PARD3B: variants seen among roughly 807,000 people sequenced by gnomAD.
PARD3B encodes partitioning defective 3 homolog B.
Under a neutral mutation model 130.2 loss-of-function variants are expected in PARD3B, and 103 were observed. That is an observed-to-expected ratio of 0.79 (90% CI 0.67 to 0.93). PARD3B has a LOEUF of 0.93. Among genes scored for constraint, PARD3B ranks in the 40% least tolerant of loss-of-function variants. The probability of loss-of-function intolerance (pLI) is 0.00; values close to 1 mark genes in which losing one functional copy is unlikely to be tolerated. For synonymous variants in PARD3B, 583 were observed against 553.2 expected, an observed-to-expected ratio of 1.05 and a Z score of -0.76; for missense variants, 1,609 against 1,499.2, an observed-to-expected ratio of 1.07 and a Z score of -1.21.
rs1702107155 is a variant in PARD3B at position 205,091,477 on chromosome 2, C to T, written c.505-12949C>T. On this transcript the variant is annotated intron_variant, in intron 4 of 22. Transcript: ENST00000406610. The surrounding 1 kb of genome is among the most constrained non-coding windows in gnomAD (Gnocchi z 4.2). ...CATTAGAATATCCTCCCCACATTCACTCAGGCTTGTTGTTGTTGTTTCTAG... is the reference window on the plus strand; with the variant it reads ...CATTAGAATATCCTCCCCACATTCATTCAGGCTTGTTGTTGTTGTTTCTAG... 6.6e-6 allele frequency among the ~76,000 whole-genome samples: 1 copy of T among 152,190 alleles called. No individual in the cohort carries two copies. Among genetic ancestry groups the T allele is most frequent in the African/African-American group, 2.4e-5 (1 of 41,448 alleles).
At chr2:204,631,113 A>G (rs1345867257) in intron 1 of PARD3B, among the ~76,000 whole-genome samples, 1 of 152,042 alleles carries the variant, frequency 6.6e-6, no homozygotes, top group Non-Finnish European at 1.5e-5. Flanking sequence ...CCCTCTTAAC[A>G]CTGCTTTAGC....
Position 205,176,576 on chromosome 2 carries a change from A to C in PARD3B, c.1923A>C (p.Lys641Asn). ...LGTCSPQDKQ[K>N]GLLLPNDGWA... is the part of the protein sequence containing the mutation. ...CTTGCAGTCCACAAGACAAACAGAAAGGTAAGAGTCTATTCATTTTATCCA... is the reference window on the plus strand; with the variant it reads ...CTTGCAGTCCACAAGACAAACAGAACGGTAAGAGTCTATTCATTTTATCCA... Residue 641 changes from lysine to asparagine, a missense_variant and splice_region_variant, in exon 13 of 23, where the codon AAA becomes AAC. Lys to Asn is a moderately conservative substitution (Grantham distance 94). Coordinates refer to ENST00000406610, the MANE Select transcript of PARD3B (RefSeq NM_001302769.2). This position sits in a 1 kb window ranked among gnomAD's most constrained non-coding sequence, Gnocchi z 5.3. 1 of 1,605,410 alleles carries C rather than the reference A, an allele frequency of 6.2e-7. No individual in the cohort carries two copies. Among genetic ancestry groups the C allele is most frequent in the Non-Finnish European group, 8.5e-7 (1 of 1,176,606 alleles).
At chr2:205,332,027 C>G (rs849222) in intron 18 of PARD3B, among the ~76,000 whole-genome samples, 132,870 of 151,950 alleles carry the variant, frequency 0.87, 58,315 homozygotes, top group Admixed American at 0.92. Context: ...ATCGCGTGAA[C>G]CCGGGAGGTG....
intron 1 of PARD3B, among the ~76,000 whole-genome samples, chr2:204,622,347 C>T (rs1361262532): frequency 1.3e-5 from 2 of 152,144 alleles, no homozygotes; most frequent in African/African-American, 4.8e-5. Flanking sequence ...CCTCTTCTCC[C>T]AACTCCCACG....
chr2:204,811,797 T>A (rs2042970356), intron 2 of PARD3B, among the ~76,000 whole-genome samples: 1 of 152,120 alleles, frequency 6.6e-6, no homozygotes, highest in African/African-American at 2.4e-5. Context: ...GGCCTCAGTC[T>A]GCTATCATCT....
chr2:205,131,855 T>G (rs1412509071), intron 10 of PARD3B, among the ~76,000 whole-genome samples: 1 of 152,164 alleles, frequency 6.6e-6, no homozygotes, highest in Admixed American at 6.5e-5. Context: ...AAAAAAGATG[T>G]TGGGATATCT....
intron 2 of PARD3B, among the ~76,000 whole-genome samples, chr2:204,741,386 T>C (rs146435836): frequency 2.4e-4 from 36 of 152,260 alleles, no homozygotes; most frequent in African/African-American, 8.7e-4. Context: ...CTGAGGAAAT[T>C]AGGACTTCAT....
chr2:204,740,910 A>T (rs577172205), intron 2 of PARD3B, among the ~76,000 whole-genome samples: 1 of 152,298 alleles, frequency 6.6e-6, no homozygotes, highest in East Asian at 1.9e-4. Flanking sequence ...AAGTGTGTTC[A>T]TGTGTTTTAA....
chr2:205,357,660 GA>G (rs56313624), intron 18 of PARD3B, among the ~76,000 whole-genome samples: 7 of 151,708 alleles, frequency 4.6e-5, no homozygotes, highest in African/African-American at 1.5e-4. Context: ...AGTTTCATGA[GA>G]AAAAAAATAA....
chr2:205,083,332 T>C (rs1396851863), intron 4 of PARD3B, among the ~76,000 whole-genome samples: 2 of 97,380 alleles, frequency 2.1e-5, no homozygotes, highest in Non-Finnish European at 4.3e-5. Flanking sequence ...GTTTTAAGAA[T>C]AGAAAAAAAA....
At chr2:204,816,225 T>C (rs2043142434) in intron 2 of PARD3B, among the ~76,000 whole-genome samples, 1 of 152,004 alleles carries the variant, frequency 6.6e-6, no homozygotes, top group East Asian at 1.9e-4. Flanking sequence ...ACGTATTACT[T>C]TTAGCATGTT....
At chr2:205,350,950 A>T (rs1461359883) in intron 18 of PARD3B, among the ~76,000 whole-genome samples, 1 of 152,190 alleles carries the variant, frequency 6.6e-6, no homozygotes, top group African/African-American at 2.4e-5. Flanking sequence ...TATGCTAAAA[A>T]CTAATTATTT....
In PARD3B at chr2:205,142,393, G is replaced by A. The variant is rs1305555653; in HGVS notation, c.1435-16329G>A. Among the ~76,000 whole-genome samples, 1 of 152,138 alleles carries A rather than the reference G, an allele frequency of 6.6e-6. No individual in the cohort carries two copies. On this transcript the variant is annotated intron_variant, in intron 10 of 22. Coordinates refer to ENST00000406610, the MANE Select transcript of PARD3B (RefSeq NM_001302769.2). The surrounding 1 kb of genome is among the most constrained non-coding windows in gnomAD (Gnocchi z 4.3). ...AGATAAGATGAAAGACATAGTAGTC[G>A]CTTTTGGGAGGGAACTTAAATACAA...
In PARD3B at chr2:205,142,911, A is replaced by AATAAATAT. The variant is rs71032447; in HGVS notation, c.1435-15811_1435-15810insATAAATAT. Among the ~76,000 whole-genome samples, 2 of 151,410 alleles carry AATAAATAT rather than the reference A, an allele frequency of 1.3e-5. No homozygotes were observed. The highest frequency in any genetic ancestry group is 4.9e-5 in the African/African-American group (2 of 41,212). On this transcript the variant is annotated intron_variant, in intron 10 of 22. Transcript: ENST00000406610. This position sits in a 1 kb window ranked among gnomAD's most constrained non-coding sequence, Gnocchi z 4.3. Reference sequence around the variant, plus strand: ...AAATAAATAAATAAATAAATAAATAAGATAGGCAAGCTGGCAAATAATTGT... The same window carrying AATAAATAT: ...AAATAAATAAATAAATAAATAAATAAATAAATATGATAGGCAAGCTGGCAAATAATTGT...
At chr2:205,294,263 G>C (rs2041709644) in intron 16 of PARD3B, among the ~76,000 whole-genome samples, 1 of 151,892 alleles carries the variant, frequency 6.6e-6, no homozygotes, top group Admixed American at 6.6e-5. Flanking sequence ...CACAGATAAG[G>C]TTATATATGT....
chr2:205,343,690 GCT>G, intron 18 of PARD3B, among the ~76,000 whole-genome samples: 1 of 152,242 alleles, frequency 6.6e-6, no homozygotes, highest in Non-Finnish European at 1.5e-5. Context: ...CCCTGGCCTG[GCT>G]CACAGCTGTG....
At chr2:205,027,372 T>A (rs575945537) in intron 3 of PARD3B, among the ~76,000 whole-genome samples, 14 of 152,194 alleles carry the variant, frequency 9.2e-5, no homozygotes, top group Non-Finnish European at 1.5e-4. Flanking sequence ...TTGAAAAAAA[T>A]GTCTATTCAT....
chr2:204,991,810 C>T (rs1339619145), intron 3 of PARD3B, among the ~76,000 whole-genome samples: 2 of 151,656 alleles, frequency 1.3e-5, no homozygotes, highest in Non-Finnish European at 2.9e-5. Flanking sequence ...TTTTGATTTG[C>T]ATTTCTCTGA....
At position 205,615,438 on chromosome 2, in the gene PARD3B, C is replaced by G; in HGVS notation, c.3261-18C>G. The G allele has an allele frequency of 5.8e-6, 9 of 1,561,226 alleles. No individual in the cohort carries two copies. The highest frequency in any genetic ancestry group is 7.8e-6 in the Non-Finnish European group (9 of 1,153,484). On this transcript the variant is annotated intron_variant, in intron 22 of 22. Transcript: ENST00000406610. ...CAGCTTAGGAGCTGCTAACATGTGT[C>G]TCTTCTTCTCTTTCCAGGGGAGGAC...
Sources: gnomAD v4.1 joint callset for allele counts (sites outside exome capture counted in the v4.1 genomes callset) on GRCh38, gnomAD v4.1.1 for gene constraint, Gnocchi (gnomAD v3.1) non-coding constraint, MANE v1.5 for transcripts, NCBI Gene and HGNC (gene_info 2026-07-23, HGNC 2026-07-21) for gene names.